DMXL1: variants seen among roughly 807,000 people sequenced by gnomAD.
DMXL1 encodes the protein dmX-like protein 1.
A neutral mutation model predicts 319.2 loss-of-function variants in DMXL1; 99 were observed. The ratio of observed to expected loss-of-function variants is 0.31; its 90% CI spans 0.26 to 0.37. DMXL1 has a LOEUF of 0.37. Ranked by LOEUF, DMXL1 falls within the 10% of genes least tolerant of loss-of-function variation. DMXL1 has a pLI of 1.00. For missense variants in DMXL1, 3,745 were observed against 3,595.6 expected, an observed-to-expected ratio of 1.04 and a Z score of -1.06; for synonymous variants, 1,385 against 1,235.2, an observed-to-expected ratio of 1.12 and a Z score of -2.54.
rs59649653 is a variant in DMXL1, at chr5:119,118,901, T to C, written c.830T>C (p.Leu277Ser). 2.8e-4 allele frequency: 459 copies of C among 1,614,036 alleles called. 2 individuals are homozygous for C. The African/African-American group carries it at 5.1e-3, about 18-fold the overall frequency. ...GAGACATTTTTACCAAATGATTGTT[T>C]GCTATACGGAGGTGACTGCAGCCAT... is the stretch of plus-strand genomic sequence containing the variant. ...WVETFLPNDCLLYGGDCSHWT... is the reference protein window; with the variant it reads ...WVETFLPNDCSLYGGDCSHWT... Residue 277 changes from leucine to serine, a missense_variant, in exon 8 of 44, where the codon TTG (leucine) becomes TCG (serine). This residue lies in a region of DMXL1 where 2,096 missense variants were observed against 1,985.4 expected (regional missense o/e 1.06). Coordinates refer to ENST00000539542, the MANE Select transcript of DMXL1 (RefSeq NM_001290321.3).
intron 28 of DMXL1, among the ~76,000 whole-genome samples, chr5:119,188,729 A>C (rs1778193397): frequency 6.6e-6 from 1 of 152,240 alleles, no homozygotes; most frequent in Non-Finnish European, 1.5e-5. Flanking sequence ...GAATACTAAT[A>C]TTTTATTCAT....
intron 28 of DMXL1, among the ~76,000 whole-genome samples, chr5:119,185,738 C>T (rs1022544327): frequency 2.8e-5 from 4 of 142,584 alleles, no homozygotes; most frequent in East Asian, 1.9e-4. Flanking sequence ...CCTGGTCTCA[C>T]GTGGTCTGCC....
In DMXL1 at chr5:119,133,722, A is replaced by G; in HGVS notation, c.1798A>G (p.Ile600Val). ...LSIFTPNVMM[I>V]SKHADGSLNQ... The stretch of plus-strand genomic sequence containing the variant: ...TATTTTTACGCCTAATGTTATGATG[A>G]TATCAAAACATGCTGATGGTTCTCT... Residue 600 changes from isoleucine (I) to valine (V), a missense_variant, in exon 12 of 44, where the codon ATA (isoleucine) becomes GTA (valine). Ile to Val is a conservative substitution (Grantham distance 29, BLOSUM62 3). Coordinates refer to ENST00000539542, the MANE Select transcript of DMXL1 (RefSeq NM_001290321.3). 1 of 1,614,104 alleles carries G rather than the reference A, an allele frequency of 6.2e-7. No individual in the cohort carries two copies. The highest frequency in any genetic ancestry group is 8.5e-7 in the Non-Finnish European group (1 of 1,179,928).
At position 119,207,175 on chromosome 5, in the gene DMXL1, A is replaced by T. The variant is rs1781886328; in HGVS notation, c.7926+279A>T. ...ACAACTAAAGTTCTTAATACATGTGATTACAATAGCAATTGTCTAGTAGTA... is the reference window on the plus strand; with the variant it reads ...ACAACTAAAGTTCTTAATACATGTGTTTACAATAGCAATTGTCTAGTAGTA... On this transcript the variant is annotated intron_variant, in intron 34 of 43. Coordinates refer to ENST00000539542, the MANE Select transcript of DMXL1 (RefSeq NM_001290321.3). 2.0e-5 allele frequency among the ~76,000 whole-genome samples: 3 copies of T among 152,294 alleles called. No homozygotes were observed. The South Asian group carries it at 6.2e-4, about 32-fold the overall frequency.
intron 33 of DMXL1, among the ~76,000 whole-genome samples, chr5:119,205,709 A>T (rs1435945090): frequency 6.6e-6 from 1 of 152,124 alleles, no homozygotes; most frequent in Non-Finnish European, 1.5e-5. Context: ...GATAGAGAAT[A>T]TGAAAAGAAA....
intron 33 of DMXL1, 119 bp from the exon 34 acceptor site, chr5:119,206,715 A>G: frequency 8.5e-6 from 5 of 591,198 alleles, no homozygotes; most frequent in South Asian, 4.7e-5. Context: ...TAGTAACTCC[A>G]TATAATGTTC....
chr5:119,226,375 C>A (rs749820106), intron 38 of DMXL1, among the ~76,000 whole-genome samples: 1 of 152,108 alleles, frequency 6.6e-6, no homozygotes, highest in Non-Finnish European at 1.5e-5. Context: ...AAATATTAGT[C>A]TGAAGTTCAG....
intron 1 of DMXL1, among the ~76,000 whole-genome samples, chr5:119,094,919 T>C (rs1253018160): frequency 2.0e-5 from 3 of 151,764 alleles, no homozygotes; most frequent in African/African-American, 7.3e-5. Flanking sequence ...GGCTGGAGTG[T>C]AGTGATGCTC....
chr5:119,081,038 A>G (rs914727321), intron 1 of DMXL1, among the ~76,000 whole-genome samples: 2 of 152,122 alleles, frequency 1.3e-5, no homozygotes, highest in African/African-American at 4.8e-5. Flanking sequence ...CCTTTTTCAG[A>G]TGTTACCCAC....
At chr5:119,182,429 T>C (rs1051637473) in intron 28 of DMXL1, among the ~76,000 whole-genome samples, 8 of 152,196 alleles carry the variant, frequency 5.3e-5, no homozygotes, top group South Asian at 2.1e-4. Context: ...AAACATGTTT[T>C]CTAAAAGTGT....
chr5:119,141,775 T>A (rs1014769798), intron 13 of DMXL1, among the ~76,000 whole-genome samples: 1 of 152,064 alleles, frequency 6.6e-6, no homozygotes, highest in African/African-American at 2.4e-5. Flanking sequence ...TTAAAAGTCA[T>A]ATGGAACCAA....
intron 8 of DMXL1, among the ~76,000 whole-genome samples, chr5:119,120,768 A>G (rs1264568509): frequency 3.3e-5 from 5 of 152,224 alleles, no homozygotes; most frequent in African/African-American, 1.2e-4. Context: ...TTTAAGTCAT[A>G]ACTTTATTCT....
At chr5:119,194,355 G>A (rs913511009) in intron 30 of DMXL1, among the ~76,000 whole-genome samples, 4 of 152,180 alleles carry the variant, frequency 2.6e-5, no homozygotes, top group Admixed American at 2.0e-4. Flanking sequence ...TATATTTTCA[G>A]TAGAACACTA....
At chr5:119,072,766 T>C (rs909121335) in intron 1 of DMXL1, among the ~76,000 whole-genome samples, 2 of 152,216 alleles carry the variant, frequency 1.3e-5, no homozygotes, top group African/African-American at 4.8e-5. Context: ...TGTTTTCAAA[T>C]AGAGACTGTA....
chr5:119,173,776 G>GTGTGTATATATATA lies in DMXL1; in HGVS notation c.6682-1484_6682-1483insGTGTATATATATAT. 1.2e-4 allele frequency among the ~76,000 whole-genome samples: 8 copies of GTGTGTATATATATA among 67,172 alleles called. 1 individual carries two copies. The South Asian group carries it at 2.2e-3, about 18-fold the overall frequency. The allele number at this position is 67,172 out of a possible 152,430, so 44.1% of individuals were successfully genotyped here. A position where few individuals can be genotyped will look rare whatever the true frequency, so the allele number is the denominator to read the frequency against. On this transcript the variant is annotated intron_variant, in intron 25 of 43. Coordinates refer to ENST00000539542, the MANE Select transcript of DMXL1 (RefSeq NM_001290321.3). ...TGTGTATATATATATATGTGTGTGT[G>GTGTGTATATATATA]TATATATATATATATATATATAATG...
At chr5:119,073,096 T>A (rs1476594942) in intron 1 of DMXL1, among the ~76,000 whole-genome samples, 8 of 152,236 alleles carry the variant, frequency 5.3e-5, no homozygotes, top group Non-Finnish European at 1.2e-4. Flanking sequence ...GAGGTCTCCC[T>A]CTGTCACCTA....
Position 119,071,482 on chromosome 5 carries a change from C to T in DMXL1, c.-88C>T. On this transcript the variant is annotated 5_prime_UTR_variant, in exon 1 of 44. Coordinates refer to ENST00000539542, the MANE Select transcript of DMXL1 (RefSeq NM_001290321.3). Reference sequence around the variant, plus strand: ...TGCCGTCGCCACCGAAGAGCGGCCGCCGCCCCTGAGGGAAGGAGGGAGGGA... The same window carrying T: ...TGCCGTCGCCACCGAAGAGCGGCCGTCGCCCCTGAGGGAAGGAGGGAGGGA... The T allele has an allele frequency of 3.7e-6, 5 of 1,349,650 alleles. No homozygotes were observed. Among genetic ancestry groups the T allele is most frequent in the South Asian group, 2.5e-5 (2 of 80,062 alleles). 83.6% of individuals were successfully genotyped at this position (1,349,650 alleles called of 1,614,324 possible). A position where few individuals can be genotyped will look rare whatever the true frequency, so the allele number is the denominator to read the frequency against.
chr5:119,220,842 A>G, intron 36 of DMXL1, 98 bp from the exon 37 acceptor site: 1 of 1,418,750 alleles, frequency 7.0e-7, no homozygotes, highest in Non-Finnish European at 9.5e-7. Context: ...AAGAAAATTA[A>G]TTTTAAAGGG....
intron 19 of DMXL1, among the ~76,000 whole-genome samples, chr5:119,158,205 G>GTTTT (rs762291035): frequency 7.8e-6 from 1 of 129,032 alleles, no homozygotes. Flanking sequence ...TATTTCTAAG[G>GTTTT]TTTTTTTTTT....
Sources: allele counts gnomAD v4.1 joint callset (sites outside exome capture counted in the v4.1 genomes callset), GRCh38; gene constraint gnomAD v4.1.1; regional missense constraint gnomAD v4.1.1; transcripts MANE v1.5; gene names NCBI Gene and HGNC (gene_info 2026-07-23, HGNC 2026-07-21).